IPO5: variants seen among roughly 807,000 people sequenced by gnomAD.
The protein encoded by IPO5 is importin-5.
A neutral mutation model predicts 143.3 loss-of-function variants in IPO5; 18 were observed. The ratio of observed to expected loss-of-function variants is 0.13; its 90% CI spans 0.09 to 0.19. The LOEUF is 0.19. Among genes scored for constraint, IPO5 ranks in the 10% least tolerant of loss-of-function variants. The pLI is 1.00. For missense variants in IPO5, 1,013 were observed against 1,336.9 expected (o/e 0.76, Z 3.78); for synonymous variants, 477 against 465.7 (o/e 1.02, Z -0.31).
chr13:97,989,692 C>A (rs954912411), intron 7 of IPO5, among the ~76,000 whole-genome samples: 4 of 152,188 alleles, frequency 2.6e-5, no homozygotes, highest in Admixed American at 2.6e-4. Flanking sequence ...CAAGATCATA[C>A]ACATTTTAGG....
intron 16 of IPO5, among the ~76,000 whole-genome samples, chr13:98,004,413 C>T (rs1322431738): frequency 6.6e-6 from 1 of 152,128 alleles, no homozygotes; most frequent in East Asian, 1.9e-4. Context: ...CGAAGGCAGA[C>T]CGAGGTGGAC....
intron 13 of IPO5, among the ~76,000 whole-genome samples, chr13:98,001,394 C>G (rs764971857): frequency 1.3e-5 from 2 of 152,154 alleles, no homozygotes; most frequent in Non-Finnish European, 2.9e-5. Flanking sequence ...AATGTGATCT[C>G]AGCTCACCGC....
intron 5 of IPO5, among the ~76,000 whole-genome samples, chr13:97,984,508 A>G (rs1004378506): frequency 6.6e-6 from 1 of 152,132 alleles, no homozygotes; most frequent in African/African-American, 2.4e-5. Context: ...ATTGCACATG[A>G]GTTTTAACCA....
At chr13:97,985,359 C>T (rs886999812) in intron 5 of IPO5, 62 bp from the exon 6 acceptor site, 3 of 1,321,504 alleles carry the variant, frequency 2.3e-6, no homozygotes, top group African/African-American at 2.9e-5. Context: ...TATAAAAATA[C>T]AACAGTGAAA....
At chr13:98,013,723 G>C (rs143329313) in intron 21 of IPO5, among the ~76,000 whole-genome samples, 2 of 152,290 alleles carry the variant, frequency 1.3e-5, no homozygotes, top group African/African-American at 4.8e-5. Flanking sequence ...GAAACAGATA[G>C]TACCTAAGGT....
intron 20 of IPO5, among the ~76,000 whole-genome samples, chr13:98,012,022 T>C (rs555980628): frequency 6.7e-6 from 1 of 150,106 alleles, no homozygotes; most frequent in South Asian, 2.1e-4. Context: ...ATAATTTCCT[T>C]TTTTTTTTTC....
chr13:98,000,831 C>G, intron 13 of IPO5, 186 bp downstream of exon 13: 1 of 556,858 alleles, frequency 1.8e-6, no homozygotes, highest in Non-Finnish European at 3.2e-6. Flanking sequence ...ACTTCCTAGC[C>G]AAAAGTATTT....
rs182994654 is a variant in IPO5, at chr13:97,982,483, AT to A, written c.91-9del. On this transcript the variant is annotated intron_variant, in intron 4 of 28. Coordinates refer to ENST00000651721, the MANE Select transcript of IPO5 (RefSeq NM_002271.6). ...AGTTTCCTAACATTCTTTCCTAACCATTTTTTTTTTTCCATGCAGGAAACCT... is the reference window on the plus strand; with the variant it reads ...AGTTTCCTAACATTCTTTCCTAACCATTTTTTTTTTCCATGCAGGAAACCT... The A allele has an allele frequency of 0.087, 84,966 of 972,262 alleles. 1 individual carries two copies. Among genetic ancestry groups the A allele is most frequent in the South Asian group, 0.14 (6,596 of 47,522 alleles). The allele number at this position is 972,262 out of a possible 1,614,324, so 60.2% of individuals were successfully genotyped here. A position where few individuals can be genotyped will look rare whatever the true frequency, so the allele number is the denominator to read the frequency against.
At chr13:97,963,649 T>C (rs1885070352) in intron 2 of IPO5, among the ~76,000 whole-genome samples, 1 of 152,194 alleles carries the variant, frequency 6.6e-6, no homozygotes, top group Non-Finnish European at 1.5e-5. Context: ...ATTATAGGTG[T>C]GAGCCACTGC....
At chr13:98,021,222 G>A in intron 28 of IPO5, 89 bp downstream of exon 28, 1 of 1,175,854 alleles carries the variant, frequency 8.5e-7, no homozygotes. Flanking sequence ...AATCTAATGA[G>A]CTAAGGAATT....
chr13:97,976,008 A>C, intron 3 of IPO5: 9 of 971,650 alleles, frequency 9.3e-6, no homozygotes, highest in Non-Finnish European at 1.1e-5. Context: ...GTACGTAGGA[A>C]GTGGGTCTAA....
intron 2 of IPO5, among the ~76,000 whole-genome samples, chr13:97,969,173 A>T (rs866900098): frequency 0.011 from 758 of 69,994 alleles, 21 homozygotes; most frequent in African/African-American, 0.046. Context: ...ATATATATAT[A>T]TATTTTTTTT....
intron 26 of IPO5, 106 bp from the exon 27 acceptor site, chr13:98,019,475 C>T: frequency 1.3e-6 from 1 of 793,034 alleles, no homozygotes; most frequent in South Asian, 1.8e-5. Flanking sequence ...TACACTTTAA[C>T]ATTTCTTTAC....
chr13:97,975,117 C>T (rs1886159684), intron 3 of IPO5, among the ~76,000 whole-genome samples: 1 of 152,160 alleles, frequency 6.6e-6, no homozygotes, highest in Admixed American at 6.5e-5. Flanking sequence ...ACTACTCTTC[C>T]ATCTCACCCA....
At chr13:97,988,033 C>A in intron 6 of IPO5, 1 of 272,914 alleles carries the variant, frequency 3.7e-6, no homozygotes, top group Non-Finnish European at 8.2e-6. Flanking sequence ...AGCTTAGCAG[C>A]ACAATTGTCA....
rs776512820 is a variant in IPO5, at chr13:98,015,739, T to C, written c.2451T>C (p.Asp817=). 2.5e-6 allele frequency: 4 copies of C among 1,611,620 alleles called. No individual in the cohort carries two copies. The South Asian group carries it at 4.4e-5, about 18-fold the overall frequency. ...GGTGTGTTTTAGTTAAAAGACAAGA[T>C]GAAGACTATGATGAACAGGTCGAAG... The part of the protein sequence containing the change: ...NQELRQVKRQ[D]EDYDEQVEES... Residue 817 remains aspartate, a synonymous_variant, in exon 24 of 29, where the codon GAT becomes GAC. Coordinates refer to ENST00000651721, the MANE Select transcript of IPO5 (RefSeq NM_002271.6).
Position 98,023,328 on chromosome 13 carries a change from G to A in IPO5, c.*1506G>A, listed in dbSNP as rs971310759. The stretch of plus-strand genomic sequence containing the variant: ...GTGTGGTAATATTTGGAGCTTTATA[G>A]CCTGTATTCCTTGGGAGAAAAAAAT... On this transcript the variant is annotated 3_prime_UTR_variant, in exon 29 of 29. Transcript: ENST00000651721. 1 of 152,148 alleles carries A rather than the reference G, an allele frequency of 6.6e-6. No individual in the cohort carries two copies. The highest frequency in any genetic ancestry group is 2.4e-5 in the African/African-American group (1 of 41,422). The allele number at this position is 152,148 out of a possible 1,614,324, so 9.4% of individuals were successfully genotyped here.
Position 98,022,073 on chromosome 13 carries a change from A to G in IPO5, c.*251A>G, listed in dbSNP as rs1237767730. 4 of 342,152 alleles carry G rather than the reference A, an allele frequency of 1.2e-5. No homozygotes were observed. The highest frequency in any genetic ancestry group is 6.1e-5 in the African/African-American group (3 of 48,870). The allele number at this position is 342,152 out of a possible 1,614,324, so 21.2% of individuals were successfully genotyped here. A position where few individuals can be genotyped will look rare whatever the true frequency, so the allele number is the denominator to read the frequency against. ...CACTGAAGACTATTTTTCTATTGGT[A>G]TAACCCGCCCACCTGAAGGGGAAAG... On this transcript the variant is annotated 3_prime_UTR_variant, in exon 29 of 29. Coordinates refer to ENST00000651721, the MANE Select transcript of IPO5 (RefSeq NM_002271.6).
chr13:97,967,576 T>G (rs1885449123), intron 2 of IPO5, among the ~76,000 whole-genome samples: 1 of 152,168 alleles, frequency 6.6e-6, no homozygotes, highest in Admixed American at 6.6e-5. Context: ...ATCACTGCTA[T>G]CCCATAAATT....
Sources: gnomAD v4.1 joint callset for allele counts (sites outside exome capture counted in the v4.1 genomes callset) on GRCh38, gnomAD v4.1.1 for gene constraint, MANE v1.5 for transcripts, NCBI Gene and HGNC (gene_info 2026-07-23, HGNC 2026-07-21) for gene names.